Variants in MRPL19 observed in about 807,000 individuals in gnomAD.
MRPL19 encodes mitochondrial ribosomal protein L19, also known as large ribosomal subunit protein bL19m.
MRPL19 carries 31 observed loss-of-function variants against 34.0 expected under a neutral mutation model. That is an observed-to-expected ratio of 0.91 (90% CI 0.68 to 1.23). The LOEUF is 1.23. Among genes scored for constraint, MRPL19 ranks in the 50% most tolerant of loss-of-function variants. The pLI is 0.00. For missense variants in MRPL19, 384 were observed against 367.6 expected (o/e 1.04, Z -0.37); for synonymous variants, 152 against 127.7 (o/e 1.19, Z -1.28).
chr2:75,646,899 C>A lies in MRPL19; in HGVS notation c.92C>A (p.Ser31Tyr). The A allele has an allele frequency of 1.3e-6, 2 of 1,595,580 alleles. No individual in the cohort carries two copies. The highest frequency in any genetic ancestry group is 2.3e-5 in the South Asian group (2 of 87,632). ...AGGACTCTGCTCCCCCCGCCGGCCT[C>A]TATCGCCTGCAGTAAGTGGAGCCGG... ...AARTLLPPPA[S>Y]IACRVHAGPV... Residue 31 changes from serine to tyrosine, a missense_variant, in exon 1 of 6, where the codon TCT becomes TAT. Ser to Tyr is a moderately radical substitution (Grantham distance 144). Coordinates refer to ENST00000393909, the MANE Select transcript of MRPL19 (RefSeq NM_014763.4).
chr2:75,653,698 C>T (rs1678377569), intron 4 of MRPL19, among the ~76,000 whole-genome samples: 1 of 152,158 alleles, frequency 6.6e-6, no homozygotes, highest in Non-Finnish European at 1.5e-5. Flanking sequence ...CAGGACTGAC[C>T]CTTTTTAAGT....
rs1346990098 is a variant in MRPL19 at position 75,658,642 on chromosome 2, T to C, written c.*3357T>C. Among the ~76,000 whole-genome samples, 3 of 152,174 alleles carry C rather than the reference T, an allele frequency of 2.0e-5. No individual in the cohort carries two copies. ...TCCCACTGTTTTTTTGTTATTGATT[T>C]CCAAGTTCATTCCATTGTGATTAGA... is the stretch of plus-strand genomic sequence containing the variant. On this transcript the variant is annotated 3_prime_UTR_variant, in exon 6 of 6. Coordinates refer to ENST00000393909, the MANE Select transcript of MRPL19 (RefSeq NM_014763.4).
intron 2 of MRPL19, chr2:75,647,829 G>C (rs1367749488): frequency 1.3e-5 from 2 of 152,108 alleles, no homozygotes; most frequent in African/African-American, 4.8e-5. Context: ...TATGATTATA[G>C]GCTTTTTGAA....
Position 75,654,831 on chromosome 2 carries a change from C to A in MRPL19, c.571C>A (p.Arg191=). 6.2e-7 allele frequency: 1 copy of A among 1,613,756 alleles called. No homozygotes were observed. The highest frequency in any genetic ancestry group is 8.5e-7 in the Non-Finnish European group (1 of 1,179,830). Residue 191 remains arginine (R), a synonymous_variant, in exon 5 of 6, where the codon CGA becomes AGA. Transcript: ENST00000393909. Reference sequence around the variant, plus strand: ...GCTGGATGATAGCTTGCTATACTTACGAGATGCCCTTCCTGAATATAGCAC... The same window carrying A: ...GCTGGATGATAGCTTGCTATACTTAAGAGATGCCCTTCCTGAATATAGCAC... ...KRLDDSLLYL[R]DALPEYSTFD...
At chr2:75,648,895 G>A (rs1042970480) in intron 2 of MRPL19, among the ~76,000 whole-genome samples, 5 of 152,042 alleles carry the variant, frequency 3.3e-5, no homozygotes, top group African/African-American at 9.7e-5. Context: ...AAAATTATAC[G>A]AAACAATATA....
Position 75,652,560 on chromosome 2 carries a change from C to T in MRPL19, c.378C>T (p.Ala126=). The T allele has an allele frequency of 6.2e-7, 1 of 1,613,858 alleles. No individual in the cohort carries two copies. The highest frequency in any genetic ancestry group is 8.5e-7 in the Non-Finnish European group (1 of 1,179,854). ...GTGTTACTACAGCTGACCCATATGC[C>T]AGTGGAAAAATCAGCCAGTTTCTGG... ...ILRVTTADPY[A]SGKISQFLGI... Residue 126 remains alanine, a synonymous_variant, in exon 4 of 6, where the codon GCC becomes GCT. Transcript: ENST00000393909.
At position 75,659,795 on chromosome 2, in the gene MRPL19, G is replaced by A. The variant is rs554872394; in HGVS notation, c.*4510G>A. On this transcript the variant is annotated 3_prime_UTR_variant, in exon 6 of 6. Transcript: ENST00000393909. ...AGTCAGTTCTGTCTTATTGCTTTTC[G>A]GATTTGCTCAGCTTTTGTCTTTTGA... 3.3e-4 allele frequency among the ~76,000 whole-genome samples: 50 copies of A among 152,084 alleles called. No homozygotes were observed. The South Asian group carries it at 1.0e-2, about 30-fold the overall frequency.
intron 2 of MRPL19, chr2:75,651,617 TC>T: frequency 2.7e-6 from 1 of 374,768 alleles, no homozygotes; most frequent in Admixed American, 3.5e-5. Flanking sequence ...CAGCACCATC[TC>T]CAGGGCCATC....
intron 2 of MRPL19, chr2:75,647,534 C>T (rs1195769909): frequency 3.9e-6 from 1 of 253,456 alleles, no homozygotes; most frequent in East Asian, 7.4e-5. Context: ...CTGTTTACGT[C>T]CAAGAGCTCT....
chr2:75,649,004 G>C, intron 2 of MRPL19, among the ~76,000 whole-genome samples: 1 of 152,158 alleles, frequency 6.6e-6, no homozygotes, highest in East Asian at 1.9e-4. Flanking sequence ...ACCAGTATTG[G>C]TACCAGTTGA....
Position 75,656,661 on chromosome 2 carries a change from T to C in MRPL19, c.*1376T>C, listed in dbSNP as rs1333144150. On this transcript the variant is annotated 3_prime_UTR_variant, in exon 6 of 6. Coordinates refer to ENST00000393909, the MANE Select transcript of MRPL19 (RefSeq NM_014763.4). ...TGTTGCTCCATTTTCTTTGTTTCTA[T>C]TGTTGTATTGAGAAATCCAATGCCA... 6.6e-6 allele frequency: 1 copy of C among 152,142 alleles called. No individual in the cohort carries two copies. The highest frequency in any genetic ancestry group is 1.9e-4 in the East Asian group (1 of 5,194). The allele number at this position is 152,142 out of a possible 1,614,324, so 9.4% of individuals were successfully genotyped here.
chr2:75,646,833 A>C lies in MRPL19; in HGVS notation c.26A>C (p.His9Pro). MAACIAAG[H>P]WAAMGLGRSF... ...ATGGCGGCCTGCATTGCAGCGGGGC[A>C]CTGGGCTGCAATGGGCCTAGGCCGG... Residue 9 changes from histidine (H) to proline (P), a missense_variant, in exon 1 of 6, where the codon CAC becomes CCC. Transcript: ENST00000393909. 1 of 1,582,862 alleles carries C rather than the reference A, an allele frequency of 6.3e-7. No homozygotes were observed. Among genetic ancestry groups the C allele is most frequent in the Non-Finnish European group, 8.6e-7 (1 of 1,164,432 alleles).
intron 3 of MRPL19, 97 bp from the exon 4 acceptor site, chr2:75,652,426 C>A: frequency 6.9e-7 from 1 of 1,445,008 alleles, no homozygotes. Context: ...GTTAAGTTAT[C>A]TAGAAATGCT....
At chr2:75,655,028 T>G in intron 5 of MRPL19, 36 bp from the exon 6 acceptor site, 1 of 1,441,996 alleles carries the variant, frequency 6.9e-7, no homozygotes, top group Non-Finnish European at 9.3e-7. Context: ...GCCTAATTAT[T>G]GCTTTTTTTT....
chr2:75,650,327 T>C (rs1022441890), intron 2 of MRPL19, among the ~76,000 whole-genome samples: 1 of 152,186 alleles, frequency 6.6e-6, no homozygotes, highest in Non-Finnish European at 1.5e-5. Context: ...GATTTCACCT[T>C]TGTAAGACTT....
chr2:75,647,068 C>A lies in MRPL19; in HGVS notation c.104-34C>A, dbSNP rs1358934738. Reference sequence around the variant, plus strand: ...GCTCTGCGGGATCTCAGGGTTGGCACGAGAGTTCTGACCTCCGTCGTCCGC... The same window carrying A: ...GCTCTGCGGGATCTCAGGGTTGGCAAGAGAGTTCTGACCTCCGTCGTCCGC... On this transcript the variant is annotated intron_variant, in intron 1 of 5. Transcript: ENST00000393909. 7 of 1,548,766 alleles carry A rather than the reference C, an allele frequency of 4.5e-6. No homozygotes were observed. In the African/African-American group the frequency reaches 8.2e-5, roughly 18 times the overall value.
intron 4 of MRPL19, 46 bp downstream of exon 4, chr2:75,652,703 A>G (rs760567010): frequency 1.9e-6 from 3 of 1,574,184 alleles, no homozygotes; most frequent in Non-Finnish European, 2.6e-6. Flanking sequence ...ATGTTATCTC[A>G]GGATTCCTTT....
intron 4 of MRPL19, among the ~76,000 whole-genome samples, 174 bp from the exon 5 acceptor site, chr2:75,654,562 T>C (rs967609502): frequency 6.6e-6 from 1 of 152,228 alleles, no homozygotes; most frequent in Non-Finnish European, 1.5e-5. Context: ...AAATGGATTT[T>C]AGCTTATTTC....
In MRPL19 at chr2:75,655,330, AAG is replaced by A. The variant is rs1678424038; in HGVS notation, c.*48_*49del. 1 of 1,400,432 alleles carries A rather than the reference AAG, an allele frequency of 7.1e-7. No homozygotes were observed. Among genetic ancestry groups the A allele is most frequent in the Non-Finnish European group, 1.0e-6 (1 of 1,000,196 alleles). The allele number at this position is 1,400,432 out of a possible 1,614,324, so 86.8% of individuals were successfully genotyped here. A position where few individuals can be genotyped will look rare whatever the true frequency, so the allele number is the denominator to read the frequency against. On this transcript the variant is annotated 3_prime_UTR_variant, in exon 6 of 6. Transcript: ENST00000393909. ...TAGTTGCAGAAGATACATTGGCTCT[AAG>A]AGGATATATTTTGAGACCAATTTAA...
Sources: allele counts gnomAD v4.1 joint callset (sites outside exome capture counted in the v4.1 genomes callset), GRCh38; gene constraint gnomAD v4.1.1; transcripts MANE v1.5; gene names NCBI Gene and HGNC (gene_info 2026-07-23, HGNC 2026-07-21).